Variants in PLEKHA5 observed in about 807,000 individuals in gnomAD.
PLEKHA5 encodes the protein pleckstrin homology domain containing A5.
PLEKHA5 carries 55 observed loss-of-function variants against 181.9 expected under a neutral mutation model. The ratio of observed to expected loss-of-function variants is 0.30; its 90% CI spans 0.24 to 0.38. The LOEUF is 0.38. PLEKHA5 is among the 10% of genes least tolerant of loss of function. The probability of loss-of-function intolerance (pLI) is 1.00; values close to 1 mark genes in which losing one functional copy is unlikely to be tolerated. For synonymous variants in PLEKHA5, 535 were observed against 529.4 expected, an observed-to-expected ratio of 1.01 and a Z score of -0.15; for missense variants, 1,432 against 1,549.5, an observed-to-expected ratio of 0.92 and a Z score of 1.27.
rs757676320 is a variant in PLEKHA5 at position 19,369,817 on chromosome 12, C to T, written c.*11+19C>T. On this transcript the variant is annotated intron_variant, in intron 31 of 31. Transcript: ENST00000429027. ...AGAAGAAGTACGTCATTTCCCTTTGCATTTGTGCTTTAGTTTTTTACTTGA... is the reference window on the plus strand; with the variant it reads ...AGAAGAAGTACGTCATTTCCCTTTGTATTTGTGCTTTAGTTTTTTACTTGA... 2 of 1,403,244 alleles carry T rather than the reference C, an allele frequency of 1.4e-6. No individual in the cohort carries two copies. Among genetic ancestry groups the T allele is most frequent in the East Asian group, 2.3e-5 (1 of 43,720 alleles). 86.9% of individuals were successfully genotyped at this position (1,403,244 alleles called of 1,614,324 possible).
chr12:19,367,258 CTTTTTTTTTTTTTT>C (rs376634416), intron 30 of PLEKHA5, among the ~76,000 whole-genome samples: 1 of 72,004 alleles, frequency 1.4e-5, no homozygotes, highest in South Asian at 5.7e-4. Context: ...TTTGCTTCTT[CTTTTTTTTTTTTTT>C]TTTTTTTTTT....
intron 10 of PLEKHA5, among the ~76,000 whole-genome samples, chr12:19,273,094 A>T (rs2073480305): frequency 1.3e-5 from 2 of 151,992 alleles, no homozygotes; most frequent in Non-Finnish European, 2.9e-5. Context: ...TTTTTCGTAG[A>T]GACGGGGTCT....
At chr12:19,210,323 A>G (rs1360152493) in intron 3 of PLEKHA5, among the ~76,000 whole-genome samples, 1 of 152,232 alleles carries the variant, frequency 6.6e-6, no homozygotes, top group African/African-American at 2.4e-5. Context: ...TTAAAAGTAT[A>G]AGTTCAAAAT....
chr12:19,227,558 T>C (rs2059874111), intron 3 of PLEKHA5, among the ~76,000 whole-genome samples: 2 of 152,186 alleles, frequency 1.3e-5, no homozygotes, highest in Non-Finnish European at 2.9e-5. Flanking sequence ...TCAAGATTAA[T>C]TCATGCTCTG....
intron 21 of PLEKHA5, among the ~76,000 whole-genome samples, chr12:19,337,298 G>A (rs2093510393): frequency 6.6e-6 from 1 of 151,962 alleles, no homozygotes. Context: ...CACGCCTATA[G>A]TCCCAGCACT....
intron 8 of PLEKHA5, 138 bp from the exon 9 acceptor site, chr12:19,269,632 T>C (rs889605592): frequency 7.8e-6 from 4 of 513,710 alleles, no homozygotes; most frequent in South Asian, 3.4e-5. Flanking sequence ...TTCATTTCCA[T>C]ATCTCAGGTA....
At chr12:19,313,123 A>G (rs2087179865) in intron 15 of PLEKHA5, among the ~76,000 whole-genome samples, 1 of 152,100 alleles carries the variant, frequency 6.6e-6, no homozygotes, top group Admixed American at 6.5e-5. Flanking sequence ...TGGCTCCCCC[A>G]AAACAATTAT....
intron 3 of PLEKHA5, among the ~76,000 whole-genome samples, chr12:19,156,457 G>T (rs897645339): frequency 3.8e-4 from 58 of 151,964 alleles, no homozygotes; most frequent in African/African-American, 1.4e-3. Context: ...CAAAAGTTCA[G>T]TATGCCACTT....
At chr12:19,350,618 A>T (rs1275487958) in intron 25 of PLEKHA5, among the ~76,000 whole-genome samples, 3 of 152,128 alleles carry the variant, frequency 2.0e-5, no homozygotes, top group Admixed American at 2.0e-4. Flanking sequence ...AAAATACAAA[A>T]ATTAGCCAGG....
chr12:19,322,394 G>A lies in PLEKHA5; in HGVS notation c.2298+4G>A. 6.3e-7 allele frequency: 1 copy of A among 1,597,792 alleles called. No homozygotes were observed. The highest frequency in any genetic ancestry group is 8.6e-7 in the Non-Finnish European group (1 of 1,165,330). On this transcript the variant is annotated splice_donor_region_variant and intron_variant, in intron 19 of 31. Transcript: ENST00000429027. ...TCAGCAACTCCACAAGGAGAAAGTAGGACAATTATGTTTATTGTCTACAAT... is the reference window on the plus strand; with the variant it reads ...TCAGCAACTCCACAAGGAGAAAGTAAGACAATTATGTTTATTGTCTACAAT...
At chr12:19,357,786 C>T (rs1265930290) in intron 26 of PLEKHA5, among the ~76,000 whole-genome samples, 2 of 152,004 alleles carry the variant, frequency 1.3e-5, no homozygotes, top group Non-Finnish European at 2.9e-5. Flanking sequence ...TAGGCATATA[C>T]CACCACACCT....
At chr12:19,339,081 C>G (rs2093673329) in intron 21 of PLEKHA5, among the ~76,000 whole-genome samples, 1 of 150,800 alleles carries the variant, frequency 6.6e-6, no homozygotes, top group Non-Finnish European at 1.5e-5. Flanking sequence ...ACTCTTGTTG[C>G]CCAGGCTGGT....
intron 15 of PLEKHA5, among the ~76,000 whole-genome samples, chr12:19,297,351 G>T (rs545630406): frequency 6.6e-6 from 1 of 151,812 alleles, no homozygotes; most frequent in African/African-American, 2.4e-5. Context: ...GGCCGGGCGC[G>T]GTGGCTCACG....
chr12:19,133,268 G>A (rs148309756), intron 3 of PLEKHA5, among the ~76,000 whole-genome samples: 49 of 152,002 alleles, frequency 3.2e-4, no homozygotes, highest in Admixed American at 3.0e-3. Context: ...TAATAACTTA[G>A]TACTACTTGG....
chr12:19,200,766 C>G (rs980008398), intron 3 of PLEKHA5: 2 of 720,872 alleles, frequency 2.8e-6, no homozygotes, highest in Non-Finnish European at 3.4e-6. Context: ...ATGAATGATT[C>G]AATAAATGAT....
In PLEKHA5 at chr12:19,376,235, C is replaced by G. The variant is rs1418576837; in HGVS notation, c.*716C>G. ...CATGTGTACAGCAATAAGCAGGTTT[C>G]CAAATCCGGTACTTAGTTTGTGTAC... On this transcript the variant is annotated 3_prime_UTR_variant, in exon 32 of 32. Coordinates refer to ENST00000429027, the MANE Select transcript of PLEKHA5 (RefSeq NM_001256470.2). The G allele has an allele frequency of 6.6e-6, 1 of 151,772 alleles. No individual in the cohort carries two copies. Among genetic ancestry groups the G allele is most frequent in the Admixed American group, 6.6e-5 (1 of 15,174 alleles). The allele number at this position is 151,772 out of a possible 1,614,324, so 9.4% of individuals were successfully genotyped here.
chr12:19,147,881 G>T (rs1041378937), intron 3 of PLEKHA5, among the ~76,000 whole-genome samples: 1 of 151,662 alleles, frequency 6.6e-6, no homozygotes, highest in African/African-American at 2.4e-5. Flanking sequence ...GGACCAAGGC[G>T]TGTGCCACCA....
chr12:19,278,337 C>T (rs2075161940), intron 11 of PLEKHA5, among the ~76,000 whole-genome samples: 1 of 152,070 alleles, frequency 6.6e-6, no homozygotes. Context: ...TACTTCAGAG[C>T]ACTTGACAAA....
chr12:19,245,196 G>T (rs569358727), intron 3 of PLEKHA5, among the ~76,000 whole-genome samples: 1 of 152,274 alleles, frequency 6.6e-6, no homozygotes, highest in African/African-American at 2.4e-5. Context: ...ATCTACTTTT[G>T]AATATGCTAG....
Sources: gnomAD v4.1 joint callset for allele counts (sites outside exome capture counted in the v4.1 genomes callset) on GRCh38, gnomAD v4.1.1 for gene constraint, MANE v1.5 for transcripts, NCBI Gene and HGNC (gene_info 2026-07-23, HGNC 2026-07-21) for gene names.